The following MAPK10 variants were observed in gnomAD, a reference collection of about 807,000 sequenced individuals.
The protein encoded by MAPK10 is mitogen-activated protein kinase 10.
MAPK10 carries 25 observed loss-of-function variants against 59.3 expected under a neutral mutation model. The ratio of observed to expected loss-of-function variants is 0.42; its 90% CI spans 0.31 to 0.59. The LOEUF (loss-of-function observed/expected upper bound fraction) is 0.59, where lower values mean the gene tolerates loss of function less well. Among genes scored for constraint, MAPK10 ranks in the 20% least tolerant of loss-of-function variants. The pLI is 0.15. For missense variants in MAPK10, 351 were observed against 568.9 expected (o/e 0.62, Z 3.90); for synonymous variants, 190 against 200.5 (o/e 0.95, Z 0.44).
intron 1 of MAPK10, among the ~76,000 whole-genome samples, chr4:86,484,411 C>A (rs1297762972): frequency 1.3e-5 from 2 of 151,370 alleles, no homozygotes; most frequent in Non-Finnish European, 2.9e-5. Context: ...CTCACTTTCT[C>A]ATCCTGTCTC....
At chr4:86,420,839 T>C (rs963720302) in intron 1 of MAPK10, among the ~76,000 whole-genome samples, 16 of 152,042 alleles carry the variant, frequency 1.1e-4, no homozygotes, top group African/African-American at 3.6e-4. Context: ...CCCAGCACTT[T>C]GGGAGGCCGA....
intron 1 of MAPK10, among the ~76,000 whole-genome samples, chr4:86,426,291 T>C (rs1280793921): frequency 6.6e-6 from 1 of 152,258 alleles, no homozygotes; most frequent in East Asian, 1.9e-4. Context: ...TCTGCCACTA[T>C]GGATTGGATG....
At chr4:86,356,300 ATC>A (rs1288075236) in intron 1 of MAPK10, among the ~76,000 whole-genome samples, 1 of 152,202 alleles carries the variant, frequency 6.6e-6, no homozygotes, top group African/African-American at 2.4e-5. Flanking sequence ...AGGATTTTAC[ATC>A]TCATAGTCAC....
intron 1 of MAPK10, among the ~76,000 whole-genome samples, chr4:86,591,031 A>T (rs1333378466): frequency 6.6e-6 from 1 of 152,160 alleles, no homozygotes; most frequent in Non-Finnish European, 1.5e-5. Flanking sequence ...TCCACTACAA[A>T]TTATATCATT....
At chr4:86,433,562 T>C (rs1419077505) in intron 1 of MAPK10, among the ~76,000 whole-genome samples, 4 of 136,352 alleles carry the variant, frequency 2.9e-5, no homozygotes, top group African/African-American at 8.8e-5. Context: ...CTTCTTTTTT[T>C]TTTTTTTTTT....
chr4:86,306,330 A>G (rs2095567871), intron 2 of MAPK10, among the ~76,000 whole-genome samples: 1 of 152,246 alleles, frequency 6.6e-6, no homozygotes, highest in South Asian at 2.1e-4. Context: ...GATATCACAT[A>G]TCATGTGGCC....
intron 2 of MAPK10, among the ~76,000 whole-genome samples, chr4:86,283,720 T>G (rs1041527107): frequency 1.3e-5 from 2 of 152,190 alleles, no homozygotes; most frequent in Non-Finnish European, 2.9e-5. Context: ...GAGAAAGAAG[T>G]GTATTCATGA....
chr4:86,323,427 TGTTTTATGTAG>T (rs1420012792), intron 2 of MAPK10, among the ~76,000 whole-genome samples: 5 of 152,202 alleles, frequency 3.3e-5, no homozygotes, highest in Non-Finnish European at 7.3e-5. Context: ...TTGAGCTAAG[TGTTTTATGTAG>T]GTAATCACAT....
chr4:86,015,168 G>A lies in MAPK10; in HGVS notation c.*2060C>T, dbSNP rs999764360. On this transcript the variant is annotated 3_prime_UTR_variant, in exon 14 of 14. Coordinates refer to ENST00000641462, the MANE Select transcript of MAPK10 (RefSeq NM_138982.4). The stretch of plus-strand genomic sequence containing the variant: ...TATTCCAGGGGACAAGCTGCACAAA[G>A]GAATGTTCTTCTATTTATTTTAAAC... 4 of 152,136 alleles carry A rather than the reference G, an allele frequency of 2.6e-5. No homozygotes were observed. The highest frequency in any genetic ancestry group is 7.2e-5 in the African/African-American group (3 of 41,420). 9.4% of individuals were successfully genotyped at this position (152,136 alleles called of 1,614,324 possible). A position where few individuals can be genotyped will look rare whatever the true frequency, so the allele number is the denominator to read the frequency against.
intron 11 of MAPK10, among the ~76,000 whole-genome samples, chr4:86,050,401 G>C (rs1273409851): frequency 6.6e-6 from 1 of 152,084 alleles, no homozygotes; most frequent in Non-Finnish European, 1.5e-5. Flanking sequence ...GAATGAATGT[G>C]GTGGACCTGT....
intron 4 of MAPK10, among the ~76,000 whole-genome samples, chr4:86,139,822 A>C (rs1429232383): frequency 1.3e-5 from 2 of 149,738 alleles, no homozygotes; most frequent in East Asian, 3.9e-4. Context: ...CAATGAACTC[A>C]AACAAATTTA....
At chr4:86,280,341 T>C (rs1260902348) in intron 2 of MAPK10, among the ~76,000 whole-genome samples, 1 of 151,622 alleles carries the variant, frequency 6.6e-6, no homozygotes, top group Non-Finnish European at 1.5e-5. Flanking sequence ...CCAACAAACA[T>C]AAGAAAAAAA....
rs867137036 is a variant in MAPK10, at chr4:86,249,555, T to C, written c.-6-55148A>G. 9.6e-3 allele frequency among the ~76,000 whole-genome samples: 1,459 copies of C among 152,214 alleles called. 34 individuals carry two copies. The highest frequency in any genetic ancestry group is 0.034 in the African/African-American group (1,394 of 41,526). ...TGGAAAGAGAACTTTAAAAAATCTT[T>C]CCAGCCTCTATAATGTAAGAAGGCA... On this transcript the variant is annotated intron_variant, in intron 2 of 13. Transcript: ENST00000641462.
intron 8 of MAPK10, chr4:86,099,095 A>G (rs2054819523): frequency 6.6e-6 from 1 of 152,652 alleles, no homozygotes; most frequent in African/African-American, 2.4e-5. Flanking sequence ...GATAAATTCA[A>G]CCAAATCCAA....
rs377050165 is a variant in MAPK10, at chr4:86,340,778, A to G, written c.-7+13752T>C. 6.4e-4 allele frequency among the ~76,000 whole-genome samples: 97 copies of G among 152,346 alleles called. 1 individual carries two copies. The highest frequency in any genetic ancestry group is 2.1e-3 in the African/African-American group (89 of 41,588). ...AAGGAAACTCCCTTCTGCTATGTTCATCTAAACAGTTTCTAAGCCAGTGTG... is the reference window on the plus strand; with the variant it reads ...AAGGAAACTCCCTTCTGCTATGTTCGTCTAAACAGTTTCTAAGCCAGTGTG... On this transcript the variant is annotated intron_variant, in intron 2 of 13. Transcript: ENST00000641462.
intron 3 of MAPK10, among the ~76,000 whole-genome samples, chr4:86,172,500 C>G (rs1307364170): frequency 6.6e-6 from 1 of 150,662 alleles, no homozygotes; most frequent in Non-Finnish European, 1.5e-5. Context: ...CGCATGTTCT[C>G]ACTCATGGGT....
intron 11 of MAPK10, among the ~76,000 whole-genome samples, chr4:86,060,198 T>C (rs149885644): frequency 6.6e-6 from 1 of 152,344 alleles, no homozygotes; most frequent in East Asian, 1.9e-4. Context: ...AAGTGTTCTC[T>C]GACTCCATAT....
intron 1 of MAPK10, among the ~76,000 whole-genome samples, chr4:86,405,629 T>C (rs1306943932): frequency 6.6e-6 from 1 of 152,138 alleles, no homozygotes; most frequent in Non-Finnish European, 1.5e-5. Context: ...TTAACACATA[T>C]CATATATATA....
At chr4:86,352,480 C>G (rs1732053122) in intron 2 of MAPK10, among the ~76,000 whole-genome samples, 1 of 152,066 alleles carries the variant, frequency 6.6e-6, no homozygotes, top group Non-Finnish European at 1.5e-5. Context: ...ATACATGGAG[C>G]TGAAGCATAG....
Sources: allele counts gnomAD v4.1 joint callset (sites outside exome capture counted in the v4.1 genomes callset), GRCh38; gene constraint gnomAD v4.1.1; transcripts MANE v1.5; gene names NCBI Gene and HGNC (gene_info 2026-07-23, HGNC 2026-07-21).